The following SLC12A4 variants were observed in gnomAD, a reference collection of about 807,000 sequenced individuals.
SLC12A4 encodes the protein solute carrier family 12 member 4.
In SLC12A4, 84 loss-of-function variants were observed where a neutral mutation model predicts 119.2. The observed-to-expected ratio is 0.70, with a 90% confidence interval of 0.59 to 0.85. The LOEUF (loss-of-function observed/expected upper bound fraction) is 0.85, where lower values mean the gene tolerates loss of function less well. Ranked by LOEUF, SLC12A4 falls within the 40% of genes least tolerant of loss-of-function variation. SLC12A4 has a pLI of 0.00. For synonymous variants in SLC12A4, 599 were observed against 604.6 expected (o/e 0.99, Z 0.14); for missense variants, 1,298 against 1,476.3 (o/e 0.88, Z 1.98).
At chr16:67,965,707 T>G (rs1023224027) in intron 1 of SLC12A4, among the ~76,000 whole-genome samples, 5 of 152,194 alleles carry the variant, frequency 3.3e-5, no homozygotes, top group African/African-American at 1.2e-4. Flanking sequence ...CACAAATGCC[T>G]GTAAATGGTC....
chr16:67,963,857 G>A (rs2030720407), intron 1 of SLC12A4: 5 of 1,529,054 alleles, frequency 3.3e-6, no homozygotes, highest in East Asian at 2.5e-5. Flanking sequence ...GCCTGCAGAG[G>A]GGCGGGGCCA....
chr16:67,954,103 C>T (rs563508248), intron 6 of SLC12A4: 21 of 392,546 alleles, frequency 5.3e-5, no homozygotes, highest in South Asian at 3.3e-4. Context: ...CAGCTCCTTG[C>T]CTCTTCTCCC....
chr16:67,967,603 TAGAG>T (rs1567429721), intron 1 of SLC12A4, among the ~76,000 whole-genome samples: 6 of 151,936 alleles, frequency 3.9e-5, no homozygotes, highest in African/African-American at 1.5e-4. Flanking sequence ...GGGTAGGAGA[TAGAG>T]AAAGGGCTGT....
Position 67,951,159 on chromosome 16 carries a change from G to A in SLC12A4, c.1278C>T (p.Ile426=), listed in dbSNP as rs780807576. 6.2e-6 allele frequency: 10 copies of A among 1,613,936 alleles called. No homozygotes were observed. Among genetic ancestry groups the A allele is most frequent in the East Asian group, 4.5e-5 (2 of 44,892 alleles). ...IATSFTVLVG[I]FFPSVTGIMA... ...GCTCACCTGTTACAGAAGGGAAGAA[G>A]ATGCCGACCAGCACGGTGAAGGATG... Residue 426 remains isoleucine (I), a synonymous_variant, in exon 9 of 24, where the codon ATC becomes ATT. Coordinates refer to ENST00000316341, the MANE Select transcript of SLC12A4 (RefSeq NM_005072.5). This position sits in a 1 kb window ranked among gnomAD's most constrained non-coding sequence, Gnocchi z 5.2.
At chr16:67,963,843 C>T in intron 1 of SLC12A4, 3 of 1,492,864 alleles carry the variant, frequency 2.0e-6, no homozygotes, top group Non-Finnish European at 2.7e-6. Context: ...CACTGAGGGA[C>T]GGGGCCTGCA....
intron 6 of SLC12A4, chr16:67,954,068 G>A: frequency 3.1e-6 from 1 of 320,962 alleles, no homozygotes; most frequent in South Asian, 2.2e-5. Context: ...CCCAGGGGCG[G>A]GCACCTGTCA....
rs954058585 is a variant in SLC12A4 at position 67,947,407 on chromosome 16, G to A, written c.1996C>T (p.Arg666Ter). 5.0e-6 allele frequency: 8 copies of A among 1,612,658 alleles called. No homozygotes were observed. Among genetic ancestry groups the A allele is most frequent in the East Asian group, 2.2e-5 (1 of 44,858 alleles). The change falls in exon 16 of 24, where the codon CGA becomes TGA. Residue 666 changes from arginine (R) to a stop codon, truncating the protein, a stop_gained. Coordinates refer to ENST00000316341, the MANE Select transcript of SLC12A4 (RefSeq NM_005072.5). LOFTEE classifies it high-confidence loss of function. ...CGGGCAGCGCTCAGGGACAGGCCTC[G>A]GATCCCGTCACCCCACTCCTTCTCA... ...GAEKEWGDGI[R>*]GLSLSAARYA...
intron 5 of SLC12A4, among the ~76,000 whole-genome samples, chr16:67,956,131 C>T (rs538502430): frequency 2.0e-5 from 3 of 152,060 alleles, no homozygotes; most frequent in African/African-American, 2.4e-5. Context: ...GAGCTGAGAT[C>T]GTGCCACTGC....
chr16:67,951,244 G>C lies in SLC12A4; in HGVS notation c.1193C>G (p.Ser398Cys), dbSNP rs2058412331. ...CTCCTTCAGGCTCGGGGCATCTGCG[G>C]AGGGCAGCCCATGCTTCTCCACGAT... ...GDIVEKHGLP[S>C]ADAPSLKESL... Residue 398 changes from serine (S) to cysteine (C), a missense_variant, in exon 9 of 24, where the codon TCC becomes TGC. Ser to Cys is a moderately radical substitution (Grantham distance 112). Coordinates refer to ENST00000316341, the MANE Select transcript of SLC12A4 (RefSeq NM_005072.5). The surrounding 1 kb of genome is among the most constrained non-coding windows in gnomAD (Gnocchi z 5.2). 1 of 1,614,094 alleles carries C rather than the reference G, an allele frequency of 6.2e-7. No homozygotes were observed. The highest frequency in any genetic ancestry group is 1.3e-5 in the African/African-American group (1 of 75,036).
chr16:67,954,340 T>C lies in SLC12A4; in HGVS notation c.675+303A>G, dbSNP rs566149304. The C allele has an allele frequency of 1.0e-3, 417 of 400,512 alleles. 1 individual carries two copies. Among genetic ancestry groups the C allele is most frequent in the Middle Eastern group, 2.4e-3 (7 of 2,934 alleles). The allele number at this position is 400,512 out of a possible 1,614,324, so 24.8% of individuals were successfully genotyped here. A position where few individuals can be genotyped will look rare whatever the true frequency, so the allele number is the denominator to read the frequency against. ...AAGCCTACATCACCACCAAGATCTGTCACTGAGCTGAATACAACAGTTCCT... is the reference window on the plus strand; with the variant it reads ...AAGCCTACATCACCACCAAGATCTGCCACTGAGCTGAATACAACAGTTCCT... On this transcript the variant is annotated intron_variant, in intron 6 of 23. Transcript: ENST00000316341.
At chr16:67,948,268 T>C in intron 13 of SLC12A4, 109 bp from the exon 14 acceptor site, 2 of 980,952 alleles carry the variant, frequency 2.0e-6, no homozygotes, top group Admixed American at 2.1e-5. Context: ...CTGCCCTGCA[T>C]GGCTCAGCAA....
At chr16:67,967,927 T>G (rs141055826) in intron 1 of SLC12A4, among the ~76,000 whole-genome samples, 2 of 152,096 alleles carry the variant, frequency 1.3e-5, no homozygotes, top group Admixed American at 6.6e-5. Flanking sequence ...CACGGGCAGT[T>G]ACCCATAGAC....
rs1487828644 is a variant in SLC12A4 at position 67,952,557 on chromosome 16, T to C, written c.676-132A>G. The C allele has an allele frequency of 3.1e-6, 3 of 955,804 alleles. No individual in the cohort carries two copies. The Admixed American group carries it at 6.2e-5, about 20-fold the overall frequency. The allele number at this position is 955,804 out of a possible 1,614,324, so 59.2% of individuals were successfully genotyped here. A position where few individuals can be genotyped will look rare whatever the true frequency, so the allele number is the denominator to read the frequency against. ...GCTCACGCCTGTAATCCCAGCACTT[T>C]GGGAGGCTGAGGTGGGGGATCACTT... On this transcript the variant is annotated intron_variant, in intron 6 of 23. Coordinates refer to ENST00000316341, the MANE Select transcript of SLC12A4 (RefSeq NM_005072.5).
Position 67,951,627 on chromosome 16 carries a change from C to T in SLC12A4, c.1132+196G>A. 4.8e-6 allele frequency: 3 copies of T among 622,102 alleles called. No individual in the cohort carries two copies. The highest frequency in any genetic ancestry group is 3.9e-5 in the South Asian group (2 of 51,008). 38.5% of individuals were successfully genotyped at this position (622,102 alleles called of 1,614,324 possible). On this transcript the variant is annotated intron_variant, in intron 8 of 23. Transcript: ENST00000316341. The surrounding 1 kb of genome is among the most constrained non-coding windows in gnomAD (Gnocchi z 5.2). ...GCTGGGGAAGACAGGCTGCTGCAGG[C>T]CTTGGACGCTGGCCAGACAGGCTCC...
chr16:67,944,418 T>G lies in SLC12A4; in HGVS notation c.*422A>C. 1 of 1,286,384 alleles carries G rather than the reference T, an allele frequency of 7.8e-7. No individual in the cohort carries two copies. The highest frequency in any genetic ancestry group is 9.8e-7 in the Non-Finnish European group (1 of 1,016,110). 79.7% of individuals were successfully genotyped at this position (1,286,384 alleles called of 1,614,324 possible). A position where few individuals can be genotyped will look rare whatever the true frequency, so the allele number is the denominator to read the frequency against. On this transcript the variant is annotated 3_prime_UTR_variant, in exon 24 of 24. Coordinates refer to ENST00000316341, the MANE Select transcript of SLC12A4 (RefSeq NM_005072.5). This position sits in a 1 kb window ranked among gnomAD's most constrained non-coding sequence, Gnocchi z 6.6. ...GCTTGGTGGGGGGCCCTGCCCATAG[T>G]AGACTGAGCCAGATCTTCCTGCAGG...
chr16:67,945,841 C>A lies in SLC12A4; in HGVS notation c.2770G>T (p.Glu924Ter). 6.2e-7 allele frequency: 1 copy of A among 1,614,012 alleles called. No individual in the cohort carries two copies. Residue 924 changes from glutamate to a stop codon, truncating the protein, a stop_gained, in exon 21 of 24, where the codon GAG (glutamate) becomes TAG (stop). Transcript: ENST00000316341. LOFTEE classifies it high-confidence loss of function. ...CGCTGCTCCATCATCAGCGTCCGCTCGTAGGTGTATGCAGAGATGTCACTG... is the reference window on the plus strand; with the variant it reads ...CGCTGCTCCATCATCAGCGTCCGCTAGTAGGTGTATGCAGAGATGTCACTG... ...HNSDISAYTY[E>*]RTLMMEQRSQ... is the part of the protein sequence containing the mutation.
rs201322697 is a variant in SLC12A4 at position 67,950,539 on chromosome 16, G to T, written c.1455-46C>A. 3.1e-6 allele frequency: 5 copies of T among 1,611,236 alleles called. No homozygotes were observed. The South Asian group carries it at 5.5e-5, about 18-fold the overall frequency. On this transcript the variant is annotated intron_variant, in intron 11 of 23. Coordinates refer to ENST00000316341, the MANE Select transcript of SLC12A4 (RefSeq NM_005072.5). The surrounding 1 kb of genome is among the most constrained non-coding windows in gnomAD (Gnocchi z 4.3). ...AGGGATGTCAGGGGTCCGGAAGGAT[G>T]GCACAGACCACCAAAGGCAGCCAGC...
At chr16:67,954,122 G>C (rs1034494200) in intron 6 of SLC12A4, 1 of 408,210 alleles carries the variant, frequency 2.4e-6, no homozygotes, top group African/African-American at 2.1e-5. Context: ...CCACTGGTAC[G>C]GCAGTTCACT....
In SLC12A4 at chr16:67,963,330, G is replaced by T; in HGVS notation, c.210+135C>A. 3 of 533,706 alleles carry T rather than the reference G, an allele frequency of 5.6e-6. No individual in the cohort carries two copies. In the South Asian group the frequency reaches 7.9e-5, roughly 14 times the overall value. 33.1% of individuals were successfully genotyped at this position (533,706 alleles called of 1,614,324 possible). A position where few individuals can be genotyped will look rare whatever the true frequency, so the allele number is the denominator to read the frequency against. Reference sequence around the variant, plus strand: ...GAAAGGGCCAAGGGAACTGCAGCCCGGCTGCCATGAGAACCAGGAACACAA... The same window carrying T: ...GAAAGGGCCAAGGGAACTGCAGCCCTGCTGCCATGAGAACCAGGAACACAA... On this transcript the variant is annotated intron_variant, in intron 2 of 23. Transcript: ENST00000316341.
Sources: gnomAD v4.1 joint callset for allele counts (sites outside exome capture counted in the v4.1 genomes callset) on GRCh38, gnomAD v4.1.1 for gene constraint, Gnocchi (gnomAD v3.1) non-coding constraint, MANE v1.5 for transcripts, NCBI Gene and HGNC (gene_info 2026-07-23, HGNC 2026-07-21) for gene names.